The following DNAH11 variants were observed in gnomAD, a reference collection of about 807,000 sequenced individuals.
DNAH11 encodes the protein dynein axonemal heavy chain 11, also known as axonemal beta dynein heavy chain 11.
A neutral mutation model predicts 526.0 loss-of-function variants in DNAH11; 442 were observed. That is an observed-to-expected ratio of 0.84 (90% CI 0.78 to 0.91). The LOEUF is 0.91. Ranked by LOEUF, DNAH11 falls within the 40% of genes least tolerant of loss-of-function variation. The pLI is 0.00. For synonymous variants in DNAH11, 2,461 were observed against 1,935.9 expected, an observed-to-expected ratio of 1.27 and a Z score of -7.12; for missense variants, 6,989 against 5,448.7, an observed-to-expected ratio of 1.28 and a Z score of -8.90.
At chr7:21,708,804 T>C (rs916168850) in intron 40 of DNAH11, among the ~76,000 whole-genome samples, 1 of 152,192 alleles carries the variant, frequency 6.6e-6, no homozygotes, top group Non-Finnish European at 1.5e-5. Context: ...CCTTATCTTA[T>C]TTCAGCATCT....
At chr7:21,873,211 A>G in intron 73 of DNAH11, 63 bp from the exon 74 acceptor site, 2 of 1,321,126 alleles carry the variant, frequency 1.5e-6, no homozygotes, top group Admixed American at 4.5e-5. Context: ...AGGAAAATGT[A>G]ATCTTATAAT....
intron 61 of DNAH11, 23 bp downstream of exon 61, chr7:21,789,365 A>G (rs1386010769): frequency 6.5e-7 from 1 of 1,529,400 alleles, no homozygotes; most frequent in Non-Finnish European, 8.9e-7. Context: ...TATGACATTG[A>G]AAAGGTTCCC....
chr7:21,704,696 A>T, intron 38 of DNAH11, 68 bp downstream of exon 38: 2 of 1,524,942 alleles, frequency 1.3e-6, no homozygotes, highest in South Asian at 2.5e-5. Context: ...TGGCTAATTG[A>T]TACTAAAGCA....
chr7:21,832,460 A>T lies in DNAH11; in HGVS notation c.10692-10084A>T, dbSNP rs187109188. Among the ~76,000 whole-genome samples the T allele has an allele frequency of 3.0e-4, 46 of 152,254 alleles. 1 individual carries two copies. In the East Asian group the frequency reaches 8.7e-3, roughly 29 times the overall value. On this transcript the variant is annotated intron_variant, in intron 65 of 81. Coordinates refer to ENST00000409508, the MANE Select transcript of DNAH11 (RefSeq NM_001277115.2). The stretch of plus-strand genomic sequence containing the variant: ...GGCTGGCTTTCCATTTGCTTGGTAA[A>T]TATTCCTCCATCCCTTTATTTTGAG...
At chr7:21,897,626 CTT>C (rs11303225) in intron 79 of DNAH11, among the ~76,000 whole-genome samples, 4 of 151,876 alleles carry the variant, frequency 2.6e-5, no homozygotes, top group East Asian at 3.9e-4. Context: ...TAGAATTACA[CTT>C]TTTTTTTGAG....
At chr7:21,703,538 G>C (rs559352927) in intron 37 of DNAH11, 1 of 152,318 alleles carries the variant, frequency 6.6e-6, no homozygotes, top group South Asian at 2.1e-4. Flanking sequence ...TCACATGGTG[G>C]CAGGAGAGAG....
rs78420559 is a variant in DNAH11 at position 21,722,902 on chromosome 7, G to C, written c.7266+2046G>C. 6.0e-3 allele frequency among the ~76,000 whole-genome samples: 910 copies of C among 152,132 alleles called. 13 individuals carry two copies. The highest frequency in any genetic ancestry group is 0.021 in the African/African-American group (854 of 41,500). On this transcript the variant is annotated intron_variant, in intron 44 of 81. Transcript: ENST00000409508. ...TGATAGCGGACATCTTCCCCCTCCT[G>C]CTCATAACCCCTCACCTCCCTCCCA...
At chr7:21,568,108 A>AAGC (rs902560963) in intron 6 of DNAH11, among the ~76,000 whole-genome samples, 1 of 152,202 alleles carries the variant, frequency 6.6e-6, no homozygotes, top group African/African-American at 2.4e-5. Context: ...AAGAATAGAG[A>AAGC]AGCAGCAGCA....
chr7:21,550,577 T>C lies in DNAH11; in HGVS notation c.495+5428T>C, dbSNP rs530830731. Among the ~76,000 whole-genome samples the C allele has an allele frequency of 1.1e-4, 16 of 152,316 alleles. 1 individual carries two copies. The South Asian group carries it at 1.5e-3, about 14-fold the overall frequency. Reference sequence around the variant, plus strand: ...GTTCAAGGCATTTTAAAGATTAGTTTGGTGATATACTTTTGGAGAGTTTGA... The same window carrying C: ...GTTCAAGGCATTTTAAAGATTAGTTCGGTGATATACTTTTGGAGAGTTTGA... On this transcript the variant is annotated intron_variant, in intron 2 of 81. Transcript: ENST00000409508.
At chr7:21,630,850 AT>A (rs1349429905) in intron 25 of DNAH11, among the ~76,000 whole-genome samples, 1 of 151,984 alleles carries the variant, frequency 6.6e-6, no homozygotes, top group Admixed American at 6.6e-5. Flanking sequence ...TTGTACCTGG[AT>A]ATTTATATCT....
intron 2 of DNAH11, among the ~76,000 whole-genome samples, chr7:21,548,950 C>G (rs536543129): frequency 3.3e-4 from 50 of 151,742 alleles, no homozygotes; most frequent in Admixed American, 8.5e-4. Flanking sequence ...GGCGCAATCT[C>G]AGCTCACTGC....
intron 39 of DNAH11, among the ~76,000 whole-genome samples, chr7:21,706,747 T>G (rs10485971): frequency 0.023 from 3,487 of 152,310 alleles, 258 homozygotes; most frequent in East Asian, 0.15. Flanking sequence ...GGTGACGTTC[T>G]TTAGCATCTT....
intron 35 of DNAH11, among the ~76,000 whole-genome samples, chr7:21,691,720 ATAT>A (rs1783639754): frequency 6.6e-6 from 1 of 152,132 alleles, no homozygotes; most frequent in South Asian, 2.1e-4. Flanking sequence ...ATATTTTATC[ATAT>A]TATTAAACAA....
At chr7:21,641,757 C>T (rs1308788138) in intron 28 of DNAH11, among the ~76,000 whole-genome samples, 3 of 152,288 alleles carry the variant, frequency 2.0e-5, no homozygotes, top group Middle Eastern at 3.4e-3. Context: ...CTATCTTCTC[C>T]ATTATCAGTG....
At chr7:21,792,302 T>C (rs1164573477) in intron 61 of DNAH11, among the ~76,000 whole-genome samples, 2 of 152,238 alleles carry the variant, frequency 1.3e-5, no homozygotes, top group Non-Finnish European at 2.9e-5. Flanking sequence ...GTGTGTGTTG[T>C]ATTCAGTTTG....
At position 21,868,929 on chromosome 7, in the gene DNAH11, G is replaced by A. The variant is rs776264049; in HGVS notation, c.11905G>A (p.Glu3969Lys). 1.1e-5 allele frequency: 18 copies of A among 1,613,900 alleles called. No homozygotes were observed. The South Asian group carries it at 2.0e-4, about 18-fold the overall frequency. Reference protein sequence around the residue: ...FHNVSLGQGQETVAEVALEKA... With the variant: ...FHNVSLGQGQKTVAEVALEKA... ...CAATGTGTCTTTAGGACAAGGTCAG[G>A]AGACGGTGGCAGAAGTGGCCCTGGA... Residue 3969 changes from glutamate to lysine, a missense_variant, in exon 73 of 82, where the codon GAG becomes AAG. Transcript: ENST00000409508.
intron 11 of DNAH11, among the ~76,000 whole-genome samples, chr7:21,588,879 C>A (rs1784570608): frequency 2.0e-5 from 3 of 152,056 alleles, no homozygotes. Flanking sequence ...TCCTTTCCAC[C>A]CACCATGTTT....
In DNAH11 at chr7:21,739,269, C is replaced by A. The variant is rs2965363; in HGVS notation, c.7812-302C>A. The stretch of plus-strand genomic sequence containing the variant: ...ACTACAGGGACAGCCCCCAGCACAT[C>A]CATGGAGTCTTGCTATGGGTACAAG... On this transcript the variant is annotated intron_variant, in intron 47 of 81. Transcript: ENST00000409508. 0.13 allele frequency among the ~76,000 whole-genome samples: 20,427 copies of A among 152,154 alleles called. 2,024 individuals are homozygous for A. Among genetic ancestry groups the A allele is most frequent in the East Asian group, 0.34 (1,772 of 5,172 alleles).
intron 30 of DNAH11, among the ~76,000 whole-genome samples, chr7:21,664,844 C>A (rs1782364348): frequency 6.6e-6 from 1 of 152,078 alleles, no homozygotes; most frequent in Non-Finnish European, 1.5e-5. Flanking sequence ...AGTATCTCAG[C>A]TTTATGTTCA....
Sources: allele counts gnomAD v4.1 joint callset (sites outside exome capture counted in the v4.1 genomes callset), GRCh38; gene constraint gnomAD v4.1.1; transcripts MANE v1.5; gene names NCBI Gene and HGNC (gene_info 2026-07-23, HGNC 2026-07-21).